Variants in PARD3B observed in about 807,000 individuals in gnomAD.
The protein encoded by PARD3B is partitioning defective 3 homolog B.
Under a neutral mutation model 130.2 loss-of-function variants are expected in PARD3B, and 103 were observed. That is an observed-to-expected ratio of 0.79 (90% CI 0.67 to 0.93). The LOEUF (loss-of-function observed/expected upper bound fraction) is 0.93, where lower values mean the gene tolerates loss of function less well. Among genes scored for constraint, PARD3B ranks in the 40% least tolerant of loss-of-function variants. The pLI is 0.00. For missense variants in PARD3B, 1,609 were observed against 1,499.2 expected (o/e 1.07, Z -1.21); for synonymous variants, 583 against 553.2 (o/e 1.05, Z -0.76).
rs1051733103 is a variant in PARD3B, at chr2:204,589,766, C to T, written c.120+43647C>T. 9.2e-5 allele frequency among the ~76,000 whole-genome samples: 14 copies of T among 152,202 alleles called. No individual in the cohort carries two copies. In the East Asian group the frequency reaches 2.3e-3, roughly 25 times the overall value. Reference sequence around the variant, plus strand: ...GCAAATGGCAAGGACAATGTTGGTGCCATTGACAAAATTAGGGGAATTATT... The same window carrying T: ...GCAAATGGCAAGGACAATGTTGGTGTCATTGACAAAATTAGGGGAATTATT... On this transcript the variant is annotated intron_variant, in intron 1 of 22. Transcript: ENST00000406610.
At chr2:204,826,932 A>G (rs1296964148) in intron 2 of PARD3B, among the ~76,000 whole-genome samples, 1 of 152,160 alleles carries the variant, frequency 6.6e-6, no homozygotes, top group Non-Finnish European at 1.5e-5. Flanking sequence ...AGGCAGGAGG[A>G]TCACTTAAGC....
At chr2:205,365,263 T>C (rs1435869747) in intron 18 of PARD3B, among the ~76,000 whole-genome samples, 2 of 151,316 alleles carry the variant, frequency 1.3e-5, no homozygotes, top group Non-Finnish European at 2.9e-5. Flanking sequence ...TCCTAGCTAC[T>C]TGGGAGGATG....
intron 18 of PARD3B, among the ~76,000 whole-genome samples, chr2:205,302,348 G>A (rs995861397): frequency 4.0e-5 from 6 of 151,508 alleles, no homozygotes; most frequent in Admixed American, 3.3e-4. Flanking sequence ...TGGGGTTTCA[G>A]GCAGGAGACC....
rs1371433628 is a variant in PARD3B, at chr2:205,553,334, G to A, written c.3191G>A (p.Arg1064Lys). 1 of 1,613,918 alleles carries A rather than the reference G, an allele frequency of 6.2e-7. No homozygotes were observed. Among genetic ancestry groups the A allele is most frequent in the Admixed American group, 1.7e-5 (1 of 60,018 alleles). Residue 1064 changes from arginine (R) to lysine (K), a missense_variant, in exon 22 of 23, where the codon AGG becomes AAG. Coordinates refer to ENST00000406610, the MANE Select transcript of PARD3B (RefSeq NM_001302769.2). ...CTTTTCTCTCCACAGGTGCCTGGAA[G>A]GGGTCCAGATGGGAATGCACACAAC... is the stretch of plus-strand genomic sequence containing the variant. ...SEYDLLWVPGRGPDGNAHNLR... is the reference protein window; with the variant it reads ...SEYDLLWVPGKGPDGNAHNLR...
Position 204,654,421 on chromosome 2 carries a change from G to T in PARD3B, c.121-31760G>T, listed in dbSNP as rs986532539. 8.1e-5 allele frequency among the ~76,000 whole-genome samples: 12 copies of T among 148,194 alleles called. 2 individuals are homozygous for T. Among genetic ancestry groups the T allele is most frequent in the African/African-American group, 3.2e-4 (12 of 37,734 alleles). The stretch of plus-strand genomic sequence containing the variant: ...TGTATTCCTCACTGAGCTTTCTTGA[G>T]TATCATCACAGATAACTCTGTTACC... On this transcript the variant is annotated intron_variant, in intron 1 of 22. Coordinates refer to ENST00000406610, the MANE Select transcript of PARD3B (RefSeq NM_001302769.2).
In PARD3B at chr2:205,351,036, A is replaced by G. The variant is rs2043977725; in HGVS notation, c.2630+49335A>G. Among the ~76,000 whole-genome samples the G allele has an allele frequency of 6.6e-6, 1 of 152,184 alleles. No individual in the cohort carries two copies. On this transcript the variant is annotated intron_variant, in intron 18 of 22. Transcript: ENST00000406610. This position sits in a 1 kb window ranked among gnomAD's most constrained non-coding sequence, Gnocchi z 4.2. ...CAAAACAATGATAAGAGCAACTTCT[A>G]AAAAAATCTGTCTTCTTGGTTCAGT...
At chr2:204,838,349 A>ATGTGTGTGTGTGTGTGTGTG (rs55688873) in intron 2 of PARD3B, among the ~76,000 whole-genome samples, 25 of 135,428 alleles carry the variant, frequency 1.8e-4, no homozygotes, top group African/African-American at 6.8e-4. Flanking sequence ...TACCTGGCTA[A>ATGTGTGTGTGTGTGTGTGTG]TGTGTGTGTG....
intron 22 of PARD3B, among the ~76,000 whole-genome samples, chr2:205,560,380 C>G (rs1347993924): frequency 6.6e-6 from 1 of 152,116 alleles, no homozygotes; most frequent in Non-Finnish European, 1.5e-5. Flanking sequence ...ATTCTTTTTT[C>G]CGTTCCCTTG....
intron 3 of PARD3B, among the ~76,000 whole-genome samples, chr2:204,974,991 T>G (rs1692020188): frequency 6.6e-6 from 1 of 152,192 alleles, no homozygotes; most frequent in Non-Finnish European, 1.5e-5. Flanking sequence ...AATTACTGGA[T>G]GAGTCTCTTA....
At chr2:204,908,390 A>G (rs1370921463) in intron 2 of PARD3B, among the ~76,000 whole-genome samples, 1 of 152,222 alleles carries the variant, frequency 6.6e-6, no homozygotes, top group African/African-American at 2.4e-5. Flanking sequence ...AATTGAACCC[A>G]AATACCACAT....
intron 4 of PARD3B, among the ~76,000 whole-genome samples, chr2:205,067,532 A>G (rs910795944): frequency 3.3e-5 from 5 of 152,168 alleles, no homozygotes; most frequent in East Asian, 1.9e-4. Context: ...ATGCTTATCA[A>G]TTTTCTTTTA....
intron 2 of PARD3B, among the ~76,000 whole-genome samples, chr2:204,790,610 A>G (rs1245786096): frequency 6.6e-6 from 1 of 152,194 alleles, no homozygotes; most frequent in African/African-American, 2.4e-5. Context: ...AGCACCATCT[A>G]AGAGTCTGCC....
At chr2:204,619,946 C>A (rs1208781519) in intron 1 of PARD3B, among the ~76,000 whole-genome samples, 1 of 152,188 alleles carries the variant, frequency 6.6e-6, no homozygotes, top group Non-Finnish European at 1.5e-5. Context: ...AAAGCTCCAT[C>A]TCCACATAGC....
At chr2:204,682,308 G>C (rs960468300) in intron 1 of PARD3B, among the ~76,000 whole-genome samples, 1 of 152,074 alleles carries the variant, frequency 6.6e-6, no homozygotes, top group Non-Finnish European at 1.5e-5. Flanking sequence ...TGGCTTTGCT[G>C]CTTATTCAGT....
chr2:205,541,538 G>A (rs376045864), intron 21 of PARD3B, among the ~76,000 whole-genome samples: 23 of 152,052 alleles, frequency 1.5e-4, no homozygotes, highest in African/African-American at 4.6e-4. Flanking sequence ...TAGTAGAGAC[G>A]GGGTTTTGCC....
intron 1 of PARD3B, among the ~76,000 whole-genome samples, chr2:204,624,464 G>C (rs1331810867): frequency 6.6e-6 from 1 of 152,030 alleles, no homozygotes; most frequent in Non-Finnish European, 1.5e-5. Flanking sequence ...CATACTTCTG[G>C]GTACCTATAC....
At chr2:204,592,875 CA>C (rs2033134002) in intron 1 of PARD3B, among the ~76,000 whole-genome samples, 1 of 152,182 alleles carries the variant, frequency 6.6e-6, no homozygotes, top group Non-Finnish European at 1.5e-5. Flanking sequence ...TGGAATTGTA[CA>C]ATCAATATGT....
intron 19 of PARD3B, among the ~76,000 whole-genome samples, chr2:205,422,332 G>A (rs1205113872): frequency 1.3e-5 from 2 of 152,164 alleles, no homozygotes; most frequent in African/African-American, 2.4e-5. Context: ...ACAGATCATC[G>A]TAGGGAGCTT....
rs1022923020 is a variant in PARD3B at position 205,128,544 on chromosome 2, C to T, written c.1434+2807C>T. ...ACTAGCTGTGTGATGTAGAGCCATT[C>T]GGAACATCACTCAGAGGCTGTTTCC... is the stretch of plus-strand genomic sequence containing the variant. On this transcript the variant is annotated intron_variant, in intron 10 of 22. Transcript: ENST00000406610. The surrounding 1 kb of genome is among the most constrained non-coding windows in gnomAD (Gnocchi z 4.5). Among the ~76,000 whole-genome samples the T allele has an allele frequency of 8.5e-5, 13 of 152,178 alleles. No homozygotes were observed. The highest frequency in any genetic ancestry group is 1.6e-4 in the Non-Finnish European group (11 of 68,032).
Sources: allele counts gnomAD v4.1 joint callset (sites outside exome capture counted in the v4.1 genomes callset), GRCh38; gene constraint gnomAD v4.1.1; non-coding constraint Gnocchi (gnomAD v3.1); transcripts MANE v1.5; gene names NCBI Gene and HGNC (gene_info 2026-07-23, HGNC 2026-07-21).